Variants in CYLC2 observed in about 807,000 individuals in gnomAD.
The protein encoded by CYLC2 is cylicin 2.
CYLC2 carries 30 observed loss-of-function variants against 26.1 expected under a neutral mutation model. That is an observed-to-expected ratio of 1.15 (90% CI 0.86 to 1.56). The LOEUF is 1.56. Ranked by LOEUF, CYLC2 falls within the 40% of genes most tolerant of loss-of-function variation. The probability of loss-of-function intolerance (pLI) is 0.00; values close to 1 mark genes in which losing one functional copy is unlikely to be tolerated. For synonymous variants in CYLC2, 158 were observed against 132.8 expected, an observed-to-expected ratio of 1.19 and a Z score of -1.31; for missense variants, 498 against 394.4, an observed-to-expected ratio of 1.26 and a Z score of -2.23.
At chr9:103,004,453 C>T (rs376621748) in intron 3 of CYLC2, among the ~76,000 whole-genome samples, 11 of 151,914 alleles carry the variant, frequency 7.2e-5, no homozygotes, top group African/African-American at 2.2e-4. Context: ...CCTAAAATCC[C>T]GAGGGAGCTA....
chr9:102,995,403 T>A lies in CYLC2; in HGVS notation c.17+6T>A, dbSNP rs776547694. 1.7e-5 allele frequency: 27 copies of A among 1,598,398 alleles called. No homozygotes were observed. The highest frequency in any genetic ancestry group is 2.1e-5 in the Non-Finnish European group (24 of 1,166,520). On this transcript the variant is annotated splice_donor_region_variant and intron_variant, in intron 1 of 7. Coordinates refer to ENST00000374798, the MANE Select transcript of CYLC2 (RefSeq NM_001340.5). ...AAAATGTCTCTCCCAAGATTGTAAGTCAAATTTTATGTTTTAAAATAACTG... is the reference window on the plus strand; with the variant it reads ...AAAATGTCTCTCCCAAGATTGTAAGACAAATTTTATGTTTTAAAATAACTG...
intron 6 of CYLC2, among the ~76,000 whole-genome samples, chr9:103,013,355 T>A (rs1564100485): frequency 2.2e-5 from 2 of 91,390 alleles, no homozygotes; most frequent in Non-Finnish European, 4.0e-5. Context: ...AAATATATAT[T>A]ATATAAATAT....
rs1192586724 is a variant in CYLC2, at chr9:103,015,499, TATAA to T, written c.*817-1385_*817-1382del. ...ATACATTATATGTAATTATATAACA[TATAA>T]ATATATATAATACATGTTTATATAT... On this transcript the variant is annotated intron_variant, in intron 6 of 7. Transcript: ENST00000374798. Among the ~76,000 whole-genome samples, 66 of 133,916 alleles carry T rather than the reference TATAA, an allele frequency of 4.9e-4. 3 individuals are homozygous for T. The highest frequency in any genetic ancestry group is 1.5e-5 in the Non-Finnish European group (1 of 65,530). 87.9% of individuals were successfully genotyped at this position (133,916 alleles called of 152,430 possible).
At chr9:103,017,020 G>GTTTAAT (rs1829514237) in intron 7 of CYLC2, 59 bp downstream of exon 7, 1 of 150,418 alleles carries the variant, frequency 6.6e-6, no homozygotes, top group Admixed American at 6.7e-5. Context: ...GAACAATGAT[G>GTTTAAT]TTTAATATGT....
At chr9:103,015,017 A>G (rs1564101517) in intron 6 of CYLC2, among the ~76,000 whole-genome samples, 1 of 106,148 alleles carries the variant, frequency 9.4e-6, no homozygotes, top group Non-Finnish European at 2.0e-5. Context: ...TATATTATGT[A>G]GTATACATAA....
chr9:103,008,665 T>C (rs1436819213), intron 5 of CYLC2, among the ~76,000 whole-genome samples: 1 of 152,144 alleles, frequency 6.6e-6, no homozygotes, highest in Non-Finnish European at 1.5e-5. Context: ...CTAATTACTC[T>C]TTTTTCTTCA....
chr9:103,011,713 G>A lies in CYLC2; in HGVS notation c.*701-269G>A, dbSNP rs75414322. ...CTAAAGTTTATTTATGAAATAAACA[G>A]AAAATTTTGCCTCTAGAGAAAAAGG... is the stretch of plus-strand genomic sequence containing the variant. On this transcript the variant is annotated intron_variant, in intron 5 of 7. Coordinates refer to ENST00000374798, the MANE Select transcript of CYLC2 (RefSeq NM_001340.5). 5.8e-3 allele frequency among the ~76,000 whole-genome samples: 883 copies of A among 152,064 alleles called. 10 individuals carry two copies. The highest frequency in any genetic ancestry group is 0.02 in the African/African-American group (842 of 41,524).
intron 6 of CYLC2, among the ~76,000 whole-genome samples, chr9:103,015,459 T>C (rs1289544455): frequency 7.2e-6 from 1 of 137,990 alleles, no homozygotes; most frequent in African/African-American, 2.6e-5. Context: ...ATATATTATA[T>C]AATTATAATA....
intron 1 of CYLC2, among the ~76,000 whole-genome samples, chr9:102,996,447 A>T (rs1829238291): frequency 6.6e-6 from 1 of 151,894 alleles, no homozygotes; most frequent in Non-Finnish European, 1.5e-5. Flanking sequence ...TCTTATGGCT[A>T]TTTTTTATGG....
chr9:103,001,800 G>C (rs997163697), intron 2 of CYLC2, among the ~76,000 whole-genome samples, 182 bp downstream of exon 2: 2 of 152,040 alleles, frequency 1.3e-5, no homozygotes, highest in Non-Finnish European at 2.9e-5. Flanking sequence ...GCTTTGTTTT[G>C]AATCCAAGGA....
At position 103,003,865 on chromosome 9, in the gene CYLC2, C is replaced by CAT. The variant is rs1355806374; in HGVS notation, c.180+603_180+604insTA. Among the ~76,000 whole-genome samples the CAT allele has an allele frequency of 8.5e-5, 13 of 152,062 alleles. No individual in the cohort carries two copies. The East Asian group carries it at 2.5e-3, about 29-fold the overall frequency. The stretch of plus-strand genomic sequence containing the variant: ...GTTCTGTAATATAGAATTCAGGACT[C>CAT]AGAGTATTGGAAAATAAATATTTCG... On this transcript the variant is annotated intron_variant, in intron 3 of 7. Coordinates refer to ENST00000374798, the MANE Select transcript of CYLC2 (RefSeq NM_001340.5).
intron 6 of CYLC2, among the ~76,000 whole-genome samples, chr9:103,014,424 AACATAATGTATATTACATAATAT>A (rs1183678296): frequency 4.2e-5 from 4 of 96,354 alleles, no homozygotes; most frequent in South Asian, 9.7e-4. Context: ...GTAACATAAT[AACATAATGTATATTACATAATAT>A]ACATAATGTA....
intron 6 of CYLC2, among the ~76,000 whole-genome samples, chr9:103,013,134 A>C (rs1471110609): frequency 7.7e-6 from 1 of 129,142 alleles, no homozygotes; most frequent in Non-Finnish European, 1.6e-5. Flanking sequence ...AATATATATC[A>C]TATAAATATA....
chr9:103,010,551 A>C (rs1330424219), intron 5 of CYLC2: 1 of 152,138 alleles, frequency 6.6e-6, no homozygotes, highest in East Asian at 1.9e-4. Context: ...ACCAACGTTT[A>C]GACTGTGGTT....
chr9:103,012,972 G>A (rs887196596), intron 6 of CYLC2, among the ~76,000 whole-genome samples: 2 of 149,722 alleles, frequency 1.3e-5, no homozygotes, highest in Admixed American at 6.8e-5. Flanking sequence ...CATAAACTTT[G>A]AAAGTGCATT....
rs75628465 is a variant in CYLC2, at chr9:103,005,122, G to T, written c.491G>T (p.Gly164Val). The T allele has an allele frequency of 8.8e-4, 1,423 of 1,608,104 alleles. 9 individuals carry two copies. The African/African-American group carries it at 0.017, about 19-fold the overall frequency. Reference protein sequence around the residue: ...KLDAKKDSKKGKKDAEKGKDS... With the variant: ...KLDAKKDSKKVKKDAEKGKDS... ...GATGCAAAGAAAGATAGCAAAAAAG[G>T]TAAAAAGGATGCAGAGAAGGGCAAA... The change falls in exon 5 of 8, where the codon GGT becomes GTT. Residue 164 changes from glycine to valine, a missense_variant. Coordinates refer to ENST00000374798, the MANE Select transcript of CYLC2 (RefSeq NM_001340.5).
chr9:103,014,187 A>C (rs1829459019), intron 6 of CYLC2, among the ~76,000 whole-genome samples: 1 of 122,948 alleles, frequency 8.1e-6, no homozygotes, highest in South Asian at 2.4e-4. Context: ...TCTCATATAT[A>C]ATATATAATA....
chr9:103,014,169 A>G (rs1829458567), intron 6 of CYLC2, among the ~76,000 whole-genome samples: 1 of 121,498 alleles, frequency 8.2e-6, no homozygotes, highest in African/African-American at 3.3e-5. Context: ...TAATATGAAT[A>G]TTATATATCT....
At position 103,014,508 on chromosome 9, in the gene CYLC2, T is replaced by C. The variant is rs996273300; in HGVS notation, c.*817-2380T>C. ...TATTATGCAATATACATAATATATG[T>C]AATATACATAATATATGCAATATAC... On this transcript the variant is annotated intron_variant, in intron 6 of 7. Transcript: ENST00000374798. 5.5e-4 allele frequency among the ~76,000 whole-genome samples: 76 copies of C among 137,846 alleles called. 1 individual carries two copies. Among genetic ancestry groups the C allele is most frequent in the South Asian group, 1.1e-3 (5 of 4,400 alleles). The allele number at this position is 137,846 out of a possible 152,430, so 90.4% of individuals were successfully genotyped here.
Sources: gnomAD v4.1 joint callset for allele counts (sites outside exome capture counted in the v4.1 genomes callset) on GRCh38, gnomAD v4.1.1 for gene constraint, MANE v1.5 for transcripts, NCBI Gene and HGNC (gene_info 2026-07-23, HGNC 2026-07-21) for gene names.